Variants in PRRC1 observed in about 807,000 individuals in gnomAD.
The protein encoded by PRRC1 is protein PRRC1.
PRRC1 carries 39 observed loss-of-function variants against 40.7 expected under a neutral mutation model. That is an observed-to-expected ratio of 0.96 (90% CI 0.74 to 1.25). The LOEUF (loss-of-function observed/expected upper bound fraction) is 1.25. PRRC1 is among the 50% of genes most tolerant of loss of function. PRRC1 has a pLI of 0.00. For missense variants in PRRC1, 573 were observed against 548.3 expected (o/e 1.05, Z -0.45); for synonymous variants, 175 against 193.3 (o/e 0.91, Z 0.79).
At chr5:127,546,963 CAA>C (rs1347160099) in intron 7 of PRRC1, among the ~76,000 whole-genome samples, 1 of 151,984 alleles carries the variant, frequency 6.6e-6, no homozygotes, top group Non-Finnish European at 1.5e-5. Flanking sequence ...TAGTATTCAG[CAA>C]AGTTATTTAT....
Position 127,552,085 on chromosome 5 carries a change from G to C in PRRC1, c.*169G>C. ...AGAAAGGCATCATGTCATTCCAGGA[G>C]ACAAAAAGAAACAAATCCTTTTTAT... On this transcript the variant is annotated 3_prime_UTR_variant, in exon 9 of 9. Transcript: ENST00000296666. The C allele has an allele frequency of 7.0e-7, 1 of 1,422,200 alleles. No individual in the cohort carries two copies. Among genetic ancestry groups the C allele is most frequent in the Non-Finnish European group, 9.2e-7 (1 of 1,090,794 alleles). The allele number at this position is 1,422,200 out of a possible 1,614,324, so 88.1% of individuals were successfully genotyped here. A position where few individuals can be genotyped will look rare whatever the true frequency, so the allele number is the denominator to read the frequency against.
At chr5:127,547,106 C>A (rs1768248043) in intron 7 of PRRC1, among the ~76,000 whole-genome samples, 1 of 151,804 alleles carries the variant, frequency 6.6e-6, no homozygotes, top group African/African-American at 2.4e-5. Context: ...TGCTTCATAT[C>A]CTTTTATTGT....
intron 8 of PRRC1, chr5:127,550,127 A>C (rs773190472): frequency 6.6e-6 from 1 of 152,056 alleles, no homozygotes; most frequent in Non-Finnish European, 1.5e-5. Context: ...GCCTGGAAAG[A>C]TAACACAGCA....
intron 1 of PRRC1, among the ~76,000 whole-genome samples, chr5:127,519,305 T>C (rs1009927862): frequency 1.3e-5 from 2 of 152,194 alleles, no homozygotes; most frequent in African/African-American, 4.8e-5. Flanking sequence ...GGATTCAGCC[T>C]CCCCGGATCC....
intron 4 of PRRC1, among the ~76,000 whole-genome samples, chr5:127,528,703 C>T (rs1767689318): frequency 6.6e-6 from 1 of 152,106 alleles, no homozygotes; most frequent in African/African-American, 2.4e-5. Flanking sequence ...TGATCCCTTT[C>T]TAGTTCCCTT....
intron 5 of PRRC1, among the ~76,000 whole-genome samples, chr5:127,531,164 A>C (rs1767758914): frequency 6.6e-6 from 1 of 152,190 alleles, no homozygotes; most frequent in Non-Finnish European, 1.5e-5. Flanking sequence ...AGCAATTGTT[A>C]AGTGTCTTTA....
rs184517570 is a variant in PRRC1 at position 127,540,652 on chromosome 5, T to C, written c.1025+1509T>C. The stretch of plus-strand genomic sequence containing the variant: ...GGATGTAGAAGTCTAGGTTGGCAGT[T>C]TCTTTTCTTTCAGCACTTTAAAAAT... On this transcript the variant is annotated intron_variant, in intron 7 of 8. Transcript: ENST00000296666. 6.6e-4 allele frequency among the ~76,000 whole-genome samples: 101 copies of C among 152,262 alleles called. 2 individuals are homozygous for C. The highest frequency in any genetic ancestry group is 2.5e-4 in the Non-Finnish European group (17 of 67,962).
At chr5:127,533,965 G>A (rs1414881296) in intron 6 of PRRC1, 179 bp downstream of exon 6, 23 of 696,252 alleles carry the variant, frequency 3.3e-5, no homozygotes, top group African/African-American at 2.3e-4. Flanking sequence ...TTAATTTAAA[G>A]AAATTTAAGA....
chr5:127,546,655 GA>G (rs1296703379), intron 7 of PRRC1, among the ~76,000 whole-genome samples: 1 of 152,110 alleles, frequency 6.6e-6, no homozygotes, highest in Non-Finnish European at 1.5e-5. Flanking sequence ...TGGCATCATA[GA>G]AAAAACTTTC....
At chr5:127,532,111 T>G (rs114961120) in intron 5 of PRRC1, among the ~76,000 whole-genome samples, 3,529 of 151,838 alleles carry the variant, frequency 0.023, 146 homozygotes, top group African/African-American at 0.081. Flanking sequence ...GGTTTTTTTT[T>G]TTGTTGTTTT....
At chr5:127,526,300 A>G (rs189516568) in intron 3 of PRRC1, among the ~76,000 whole-genome samples, 4 of 152,326 alleles carry the variant, frequency 2.6e-5, no homozygotes, top group Non-Finnish European at 4.4e-5. Context: ...TCAGTGCTCA[A>G]TTAATTTTAT....
chr5:127,526,866 C>T lies in PRRC1; in HGVS notation c.654+88C>T, dbSNP rs988630073. 2.6e-6 allele frequency: 3 copies of T among 1,149,134 alleles called. No homozygotes were observed. The African/African-American group carries it at 4.7e-5, about 18-fold the overall frequency. The allele number at this position is 1,149,134 out of a possible 1,614,324, so 71.2% of individuals were successfully genotyped here. Reference sequence around the variant, plus strand: ...AGAAAATATTGAAAATACAGGATGGCACAAGGAAAAATAAAATTCTTTTTT... The same window carrying T: ...AGAAAATATTGAAAATACAGGATGGTACAAGGAAAAATAAAATTCTTTTTT... On this transcript the variant is annotated intron_variant, in intron 4 of 8. Transcript: ENST00000296666.
At position 127,526,363 on chromosome 5, in the gene PRRC1, A is replaced by G. The variant is rs539424930; in HGVS notation, c.494-255A>G. Among the ~76,000 whole-genome samples the G allele has an allele frequency of 2.0e-5, 3 of 152,366 alleles. No homozygotes were observed. In the South Asian group the frequency reaches 6.2e-4, roughly 32 times the overall value. On this transcript the variant is annotated intron_variant, in intron 3 of 8. Coordinates refer to ENST00000296666, the MANE Select transcript of PRRC1 (RefSeq NM_130809.5). Reference sequence around the variant, plus strand: ...TTCATATCCAAGTGCTGAATAGGACAGACCTGAAGAACTTTTGGATATACG... The same window carrying G: ...TTCATATCCAAGTGCTGAATAGGACGGACCTGAAGAACTTTTGGATATACG...
chr5:127,539,136 C>G lies in PRRC1; in HGVS notation c.1018C>G (p.Pro340Ala). The G allele has an allele frequency of 6.2e-7, 1 of 1,611,390 alleles. No individual in the cohort carries two copies. ...AGAAAACTTCATTGCAGAATTGCTG[C>G]CTGACAAGTAAGTGTATTATGTTTC... ...SVENFIAELL[P>A]DKWFDIGCLV... The change falls in exon 7 of 9, where the codon CCT becomes GCT. Residue 340 changes from proline (P) to alanine (A), a missense_variant. Coordinates refer to ENST00000296666, the MANE Select transcript of PRRC1 (RefSeq NM_130809.5).
chr5:127,531,640 T>TTTTTTTTTTTTTA (rs1767775720), intron 5 of PRRC1, among the ~76,000 whole-genome samples: 1 of 116,774 alleles, frequency 8.6e-6, no homozygotes, highest in African/African-American at 3.2e-5. Context: ...TTTTTTTTTT[T>TTTTTTTTTTTTTA]GAGACAGAGT....
In PRRC1 at chr5:127,529,791, A is replaced by G. The variant is rs1277744499; in HGVS notation, c.655-503A>G. On this transcript the variant is annotated intron_variant, in intron 4 of 8. Transcript: ENST00000296666. The stretch of plus-strand genomic sequence containing the variant: ...CAAGAAGTAGGAAAAAGAAGAAACT[A>G]GTAGAAGATAGCAAAATGTTGTACG... Among the ~76,000 whole-genome samples, 3 of 152,310 alleles carry G rather than the reference A, an allele frequency of 2.0e-5. No homozygotes were observed. The East Asian group carries it at 5.8e-4, about 29-fold the overall frequency.
intron 6 of PRRC1, among the ~76,000 whole-genome samples, chr5:127,536,487 G>A (rs402967): frequency 0.44 from 66,912 of 151,814 alleles, 16,006 homozygotes; most frequent in East Asian, 0.62. Context: ...GCAAGTTGGA[G>A]AGAGTTTATA....
intron 1 of PRRC1, among the ~76,000 whole-genome samples, chr5:127,522,134 T>C (rs539021149): frequency 1.3e-5 from 2 of 152,358 alleles, no homozygotes; most frequent in East Asian, 3.9e-4. Context: ...ATTAAATGAA[T>C]AAAAATATTA....
At chr5:127,525,964 G>A (rs931901632) in intron 3 of PRRC1, among the ~76,000 whole-genome samples, 5 of 152,140 alleles carry the variant, frequency 3.3e-5, no homozygotes, top group Admixed American at 6.5e-5. Context: ...AAAACCTCAT[G>A]TATGCCAAAA....
Sources: allele counts gnomAD v4.1 joint callset (sites outside exome capture counted in the v4.1 genomes callset), GRCh38; gene constraint gnomAD v4.1.1; transcripts MANE v1.5; gene names NCBI Gene and HGNC (gene_info 2026-07-23, HGNC 2026-07-21).